The following BMP6 variants were observed in gnomAD, a reference collection of about 807,000 sequenced individuals.
The protein encoded by BMP6 is bone morphogenetic protein 6.
Under a neutral mutation model 54.1 loss-of-function variants are expected in BMP6, and 17 were observed. The observed-to-expected ratio is 0.31, with a 90% CI of 0.22 to 0.47. BMP6 has a LOEUF of 0.47. Among genes scored for constraint, BMP6 ranks in the 20% least tolerant of loss-of-function variants. The pLI is 1.00. For missense variants in BMP6, 720 were observed against 690.4 expected (o/e 1.04, Z -0.48); for synonymous variants, 328 against 291.2 (o/e 1.13, Z -1.28).
At chr6:7,759,070 G>A (rs1272225273) in intron 1 of BMP6, among the ~76,000 whole-genome samples, 2 of 152,180 alleles carry the variant, frequency 1.3e-5, no homozygotes, top group African/African-American at 4.8e-5. Flanking sequence ...ATTATCTCCT[G>A]AATGGTTAGA....
rs1463588008 is a variant in BMP6 at position 7,816,676 on chromosome 6, CTG to C, written c.665-28461_665-28460del. ...ACTAATGGTTTGTTTATTAATTAAA[CTG>C]TGAAAACTAGTTTTACTTGATTAAA... On this transcript the variant is annotated intron_variant, in intron 1 of 6. Transcript: ENST00000283147. 5.9e-5 allele frequency among the ~76,000 whole-genome samples: 9 copies of C among 152,224 alleles called. No homozygotes were observed. In the Middle Eastern group the frequency reaches 0.01, roughly 173 times the overall value.
At chr6:7,733,243 C>G (rs1561753408) in intron 1 of BMP6, among the ~76,000 whole-genome samples, 1 of 152,162 alleles carries the variant, frequency 6.6e-6, no homozygotes, top group Non-Finnish European at 1.5e-5. Flanking sequence ...AACGTCGTTA[C>G]AGTTTTAATT....
In BMP6 at chr6:7,775,433, A is replaced by C. The variant is rs145904772; in HGVS notation, c.664+47814A>C. On this transcript the variant is annotated intron_variant, in intron 1 of 6. Transcript: ENST00000283147. The stretch of plus-strand genomic sequence containing the variant: ...AAGATACAGAACACCCATGGTGTTC[A>C]CCATGAGCTTGTGACTTAAAAAAGA... Among the ~76,000 whole-genome samples the C allele has an allele frequency of 5.2e-5, 8 of 152,384 alleles. No homozygotes were observed. In the East Asian group the frequency reaches 1.5e-3, roughly 29 times the overall value.
At chr6:7,786,725 C>A (rs930938603) in intron 1 of BMP6, among the ~76,000 whole-genome samples, 1 of 152,074 alleles carries the variant, frequency 6.6e-6, no homozygotes, top group African/African-American at 2.4e-5. Context: ...TGAGAATACA[C>A]AGAAAGAAGA....
At position 7,808,760 on chromosome 6, in the gene BMP6, T is replaced by TA. The variant is rs1758390986; in HGVS notation, c.665-36375dup. On this transcript the variant is annotated intron_variant, in intron 1 of 6. Transcript: ENST00000283147. ...AAGATCATGTCTCAAACAAAAAATT[T>TA]AAAAATTAGCCAGTGTGGTGGCATG... is the stretch of plus-strand genomic sequence containing the variant. 2.0e-5 allele frequency among the ~76,000 whole-genome samples: 3 copies of TA among 151,804 alleles called. No individual in the cohort carries two copies. In the Middle Eastern group the frequency reaches 0.01, roughly 520 times the overall value.
At chr6:7,736,400 T>C (rs1367899332) in intron 1 of BMP6, among the ~76,000 whole-genome samples, 2 of 152,238 alleles carry the variant, frequency 1.3e-5, no homozygotes, top group Non-Finnish European at 2.9e-5. Flanking sequence ...TTAAATATTT[T>C]TCCTTTCTGA....
At chr6:7,818,774 T>C (rs532205056) in intron 1 of BMP6, among the ~76,000 whole-genome samples, 2 of 152,300 alleles carry the variant, frequency 1.3e-5, no homozygotes, top group African/African-American at 4.8e-5. Flanking sequence ...ACGTCAACTG[T>C]CAGGTCACAC....
intron 1 of BMP6, among the ~76,000 whole-genome samples, chr6:7,837,262 G>C (rs1174055982): frequency 6.6e-6 from 1 of 151,872 alleles, no homozygotes; most frequent in Middle Eastern, 3.4e-3. Context: ...TTTTTCTCTG[G>C]ACAATTTTAA....
At chr6:7,856,888 G>A (rs960003234) in intron 2 of BMP6, among the ~76,000 whole-genome samples, 8 of 152,162 alleles carry the variant, frequency 5.3e-5, no homozygotes, top group East Asian at 1.9e-4. Flanking sequence ...GAGCCACCGC[G>A]CCCGGCCTCA....
intron 1 of BMP6, among the ~76,000 whole-genome samples, chr6:7,841,092 AT>A (rs1266742711): frequency 6.6e-6 from 1 of 152,232 alleles, no homozygotes; most frequent in Non-Finnish European, 1.5e-5. Context: ...GGCTTTGGCT[AT>A]TTTGTATAGA....
chr6:7,858,121 C>T (rs1187637113), intron 2 of BMP6, among the ~76,000 whole-genome samples: 6 of 152,126 alleles, frequency 3.9e-5, no homozygotes, highest in South Asian at 2.1e-4. Context: ...CTCACTCTGT[C>T]GTCCAGGCTG....
At chr6:7,789,530 AT>A in intron 1 of BMP6, among the ~76,000 whole-genome samples, 1 of 152,360 alleles carries the variant, frequency 6.6e-6, no homozygotes, top group East Asian at 1.9e-4. Context: ...AATGAGACCC[AT>A]GAGACGGTAA....
At chr6:7,823,946 A>T (rs1245545336) in intron 1 of BMP6, among the ~76,000 whole-genome samples, 1 of 152,174 alleles carries the variant, frequency 6.6e-6, no homozygotes, top group Admixed American at 6.5e-5. Flanking sequence ...ACTGGGAATG[A>T]TATCATCTGG....
At chr6:7,796,807 G>A (rs1261832546) in intron 1 of BMP6, among the ~76,000 whole-genome samples, 1 of 152,162 alleles carries the variant, frequency 6.6e-6, no homozygotes, top group African/African-American at 2.4e-5. Context: ...GAAGGTTGCT[G>A]TATTCACCAT....
At position 7,881,400 on chromosome 6, in the gene BMP6, A is replaced by G. The variant is rs1308680408; in HGVS notation, c.*1057A>G. On this transcript the variant is annotated 3_prime_UTR_variant, in exon 7 of 7. Coordinates refer to ENST00000283147, the MANE Select transcript of BMP6 (RefSeq NM_001718.6). ...AGGCAATTTCATACTAAACTGATTAAATAATACATTTATAATCTACAACTG... is the reference window on the plus strand; with the variant it reads ...AGGCAATTTCATACTAAACTGATTAGATAATACATTTATAATCTACAACTG... The G allele has an allele frequency of 6.6e-6, 1 of 152,106 alleles. No individual in the cohort carries two copies. The highest frequency in any genetic ancestry group is 1.5e-5 in the Non-Finnish European group (1 of 67,992). The allele number at this position is 152,106 out of a possible 1,614,324, so 9.4% of individuals were successfully genotyped here.
intron 2 of BMP6, among the ~76,000 whole-genome samples, chr6:7,853,032 C>T (rs1218487716): frequency 6.6e-6 from 1 of 152,164 alleles, no homozygotes; most frequent in African/African-American, 2.4e-5. Context: ...CTCTAGGCCG[C>T]TACCAATTGC....
Position 7,727,429 on chromosome 6 carries a change from G to A in BMP6, c.474G>A (p.Gln158=). 2 of 1,605,866 alleles carry A rather than the reference G, an allele frequency of 1.2e-6. No individual in the cohort carries two copies. The highest frequency in any genetic ancestry group is 1.7e-6 in the Non-Finnish European group (2 of 1,177,670). ...ACGGGGCGTCGGAGGGGGAGAGGCA[G>A]CAGTCCTGGCCCCACGAAGCAGCCA... ...DEDGASEGER[Q]QSWPHEAASS... Residue 158 remains glutamine, a synonymous_variant, in exon 1 of 7, where the codon CAG becomes CAA. Transcript: ENST00000283147.
chr6:7,774,562 A>C (rs944921513), intron 1 of BMP6, among the ~76,000 whole-genome samples: 1 of 152,080 alleles, frequency 6.6e-6, no homozygotes, highest in African/African-American at 2.4e-5. Flanking sequence ...AAAACAAAAC[A>C]AAAATTAGCC....
chr6:7,790,854 G>T (rs1758092680), intron 1 of BMP6, among the ~76,000 whole-genome samples: 1 of 152,164 alleles, frequency 6.6e-6, no homozygotes. Context: ...GATTGACTCT[G>T]TTGGGTCAAT....
Sources: gnomAD v4.1 joint callset for allele counts (sites outside exome capture counted in the v4.1 genomes callset) on GRCh38, gnomAD v4.1.1 for gene constraint, MANE v1.5 for transcripts, NCBI Gene and HGNC (gene_info 2026-07-23, HGNC 2026-07-21) for gene names.